Variants in CT55 observed in about 807,000 individuals in gnomAD.
The protein encoded by CT55 is BRCA2-interacting protein.
Under a neutral mutation model 12.6 loss-of-function variants are expected in CT55, and 1 was observed. The ratio of observed to expected loss-of-function variants is 0.08; its 90% CI spans 0.03 to 0.38. The LOEUF is 0.38. CT55 is among the 10% of genes least tolerant of loss of function. The probability of loss-of-function intolerance (pLI) is 0.99; values close to 1 mark genes in which losing one functional copy is unlikely to be tolerated. For synonymous variants in CT55, 43 were observed against 49.7 expected (o/e 0.87, Z 0.57); for missense variants, 109 against 135.4 (o/e 0.80, Z 0.97).
At chrX:135,166,800 T>C (rs1487996077) in intron 2 of CT55, among the ~76,000 whole-genome samples, 18 of 111,369 alleles carry the variant, frequency 1.6e-4, no homozygotes, top group African/African-American at 5.6e-4. Context: ...AGTATCTCTA[T>C]ACACCAATAG....
chrX:135,164,044 G>A lies in CT55; in HGVS notation c.280-3489C>T, dbSNP rs145473143. ...CAACTGTCTTACAAGAAATGCTAGG[G>A]AGAGTTCTTCCAACTGACGTAAGGG... On this transcript the variant is annotated intron_variant, in intron 2 of 5. Transcript: ENST00000276241. Among the ~76,000 whole-genome samples, 449 of 111,783 alleles carry A rather than the reference G, an allele frequency of 4.0e-3. 6 individuals are homozygous for A. Among genetic ancestry groups the A allele is most frequent in the Non-Finnish European group, 5.6e-3 (295 of 53,088 alleles).
chrX:135,158,174 A>G (rs782610468), intron 4 of CT55, 25 bp downstream of exon 4: 56 of 990,203 alleles, frequency 5.7e-5, no homozygotes, highest in Admixed American at 4.0e-4. Flanking sequence ...GAAACTGCTG[A>G]CGGGAGCAAC....
At chrX:135,168,483 C>A (rs1205560335) in intron 2 of CT55, among the ~76,000 whole-genome samples, 1 of 111,435 alleles carries the variant, frequency 9.0e-6, no homozygotes, top group African/African-American at 3.3e-5. Flanking sequence ...GGTGAAAGAA[C>A]ATATAATTAC....
At position 135,171,341 on chromosome X, in the gene CT55, G is replaced by T; in HGVS notation, c.-170C>A. Reference sequence around the variant, plus strand: ...CCGTTAGTGAGCCCCCCTCAGGAGAGTCAGGGACACCGCAGCCTCCAAAGG... The same window carrying T: ...CCGTTAGTGAGCCCCCCTCAGGAGATTCAGGGACACCGCAGCCTCCAAAGG... On this transcript the variant is annotated 5_prime_UTR_variant, in exon 1 of 6. Coordinates refer to ENST00000276241, the MANE Select transcript of CT55 (RefSeq NM_001031705.3). The T allele has an allele frequency of 4.2e-6, 4 of 946,383 alleles. No homozygotes were observed. Among genetic ancestry groups the T allele is most frequent in the Non-Finnish European group, 5.6e-6 (4 of 717,950 alleles). 78.0% of individuals were successfully genotyped at this position (946,383 alleles called of 1,213,427 possible).
intron 2 of CT55, among the ~76,000 whole-genome samples, chrX:135,167,111 A>G (rs1246406776): frequency 8.9e-6 from 1 of 112,357 alleles, no homozygotes; most frequent in African/African-American, 3.2e-5. Context: ...TAAAATTTGT[A>G]TGGAACCATG....
chrX:135,171,809 C>G (rs1357227069), upstream of CT55, among the ~76,000 whole-genome samples: 7 of 111,779 alleles, frequency 6.3e-5, no homozygotes, highest in African/African-American at 2.3e-4. Flanking sequence ...AAGTACGTGT[C>G]TTGTGTACTA....
upstream of CT55, chrX:135,171,442 A>C: frequency 1.5e-5 from 5 of 335,736 alleles, no homozygotes; most frequent in East Asian, 5.7e-5. Flanking sequence ...TGTCCAACCA[A>C]TGGGCGTGCA....
At chrX:135,159,725 G>A (rs1466315987) in intron 3 of CT55, among the ~76,000 whole-genome samples, 2 of 111,403 alleles carry the variant, frequency 1.8e-5, no homozygotes, top group Non-Finnish European at 3.8e-5. Flanking sequence ...AGTCAGCATC[G>A]TCAAACAAAA....
intron 2 of CT55, among the ~76,000 whole-genome samples, chrX:135,161,670 A>C (rs5978100): frequency 0.46 from 51,224 of 111,059 alleles, 8,772 homozygotes; most frequent in African/African-American, 0.52. Flanking sequence ...ATAGGATAAA[A>C]TCCTAGGGTT....
At position 135,165,222 on chromosome X, in the gene CT55, A is replaced by G. The variant is rs782049022; in HGVS notation, c.279+4372T>C. On this transcript the variant is annotated intron_variant, in intron 2 of 5. Transcript: ENST00000276241. Reference sequence around the variant, plus strand: ...GCAAATTAAGGGAATTTGAAATAACATCAAATCAGTTCTCTAACCACAACG... The same window carrying G: ...GCAAATTAAGGGAATTTGAAATAACGTCAAATCAGTTCTCTAACCACAACG... 1.2e-4 allele frequency among the ~76,000 whole-genome samples: 14 copies of G among 112,478 alleles called. No individual in the cohort carries two copies. The South Asian group carries it at 4.8e-3, about 38-fold the overall frequency.
chrX:135,171,195 T>C lies in CT55; in HGVS notation c.-24A>G. ...ATCGTCCCAGTTGTCACCACCGGCC[T>C]GGGCACCGCTTGTGGCAGATGAAGC... On this transcript the variant is annotated 5_prime_UTR_variant, in exon 1 of 6. Coordinates refer to ENST00000276241, the MANE Select transcript of CT55 (RefSeq NM_001031705.3). 1 of 1,209,892 alleles carries C rather than the reference T, an allele frequency of 8.3e-7. No individual in the cohort carries two copies. The highest frequency in any genetic ancestry group is 1.1e-6 in the Non-Finnish European group (1 of 894,432).
chrX:135,160,393 T>C lies in CT55; in HGVS notation c.424+18A>G, dbSNP rs782745176. ...AAAATTAAGAATTACATCATATATT[T>C]CAAAATATAAATCATACCTTCAGAA... is the stretch of plus-strand genomic sequence containing the variant. On this transcript the variant is annotated intron_variant, in intron 3 of 5. Coordinates refer to ENST00000276241, the MANE Select transcript of CT55 (RefSeq NM_001031705.3). 1.1e-5 allele frequency: 13 copies of C among 1,145,079 alleles called. No homozygotes were observed. The highest frequency in any genetic ancestry group is 1.4e-5 in the Non-Finnish European group (12 of 861,318). 94.4% of individuals were successfully genotyped at this position (1,145,079 alleles called of 1,213,427 possible).
rs1159462799 is a variant in CT55, at chrX:135,170,046, G to A, written c.95-268C>T. Among the ~76,000 whole-genome samples, 23 of 110,591 alleles carry A rather than the reference G, an allele frequency of 2.1e-4. No homozygotes were observed. The East Asian group carries it at 6.2e-3, about 30-fold the overall frequency. On this transcript the variant is annotated intron_variant, in intron 1 of 5. Coordinates refer to ENST00000276241, the MANE Select transcript of CT55 (RefSeq NM_001031705.3). ...TTTTTGAGCAGAGTCTGGCTCTGTC[G>A]CCGGGGCTGGAGTGCAGTGGCGCAA...
chrX:135,159,399 C>T (rs1371211215), intron 3 of CT55, among the ~76,000 whole-genome samples: 2 of 111,486 alleles, frequency 1.8e-5, no homozygotes, highest in African/African-American at 6.5e-5. Context: ...TTGGTATTCT[C>T]CATATTCACC....
At chrX:135,170,390 C>T (rs1309865991) in intron 1 of CT55, among the ~76,000 whole-genome samples, 2 of 111,918 alleles carry the variant, frequency 1.8e-5, no homozygotes, top group African/African-American at 3.3e-5. Flanking sequence ...TACCTGTTAG[C>T]ATTTCTACAT....
At chrX:135,167,031 A>G (rs2083589014) in intron 2 of CT55, among the ~76,000 whole-genome samples, 1 of 112,201 alleles carries the variant, frequency 8.9e-6, no homozygotes, top group Admixed American at 9.4e-5. Flanking sequence ...ACCTAAAGCA[A>G]TCTATAGATT....
chrX:135,169,053 TGAGA>T (rs1184215798), intron 2 of CT55, among the ~76,000 whole-genome samples: 1 of 112,310 alleles, frequency 8.9e-6, no homozygotes, highest in Non-Finnish European at 1.9e-5. Context: ...CTCCTATTGC[TGAGA>T]GAATCAATTA....
chrX:135,160,200 T>C (rs1239159127), intron 3 of CT55, among the ~76,000 whole-genome samples: 1 of 111,379 alleles, frequency 9.0e-6, no homozygotes, highest in East Asian at 2.8e-4. Flanking sequence ...ACTGAGGGCA[T>C]TGAACAAATG....
chrX:135,163,340 A>G (rs1223921592), intron 2 of CT55, among the ~76,000 whole-genome samples: 1 of 112,612 alleles, frequency 8.9e-6, no homozygotes, highest in Non-Finnish European at 1.9e-5. Flanking sequence ...TTCAGGATTT[A>G]TCAAAGTAAG....
Sources: gnomAD v4.1 joint callset for allele counts (sites outside exome capture counted in the v4.1 genomes callset) on GRCh38, gnomAD v4.1.1 for gene constraint, MANE v1.5 for transcripts, NCBI Gene and HGNC (gene_info 2026-07-23, HGNC 2026-07-21) for gene names.